CACNA2D3: variants seen among roughly 807,000 people sequenced by gnomAD.
The protein encoded by CACNA2D3 is calcium voltage-gated channel auxiliary subunit alpha2delta 3.
In CACNA2D3, 60 loss-of-function variants were observed where a neutral mutation model predicts 160.6. The ratio of observed to expected loss-of-function variants is 0.37; its 90% CI spans 0.30 to 0.46. The LOEUF is 0.46. CACNA2D3 is among the 20% of genes least tolerant of loss of function. The pLI is 1.00. For missense variants in CACNA2D3, 1,205 were observed against 1,365.0 expected (o/e 0.88, Z 1.85); for synonymous variants, 558 against 492.9 (o/e 1.13, Z -1.75).
intron 2 of CACNA2D3, among the ~76,000 whole-genome samples, chr3:54,304,586 C>T (rs1703554884): frequency 6.6e-6 from 1 of 152,052 alleles, no homozygotes; most frequent in Non-Finnish European, 1.5e-5. Flanking sequence ...CATTTTTCCC[C>T]CTTCTATTTG....
At chr3:54,487,897 A>G (rs1401291342) in intron 4 of CACNA2D3, among the ~76,000 whole-genome samples, 2 of 152,188 alleles carry the variant, frequency 1.3e-5, no homozygotes, top group African/African-American at 2.4e-5. Context: ...CAGTACAGGT[A>G]CAGAACATGC....
chr3:54,464,875 C>G (rs1267031551), intron 4 of CACNA2D3, among the ~76,000 whole-genome samples: 1 of 152,228 alleles, frequency 6.6e-6, no homozygotes, highest in Non-Finnish European at 1.5e-5. Flanking sequence ...GTCGCTTACG[C>G]TGGGAGCTGT....
intron 3 of CACNA2D3, among the ~76,000 whole-genome samples, chr3:54,338,134 A>G (rs1156896480): frequency 6.6e-6 from 1 of 152,262 alleles, no homozygotes; most frequent in Admixed American, 6.5e-5. Flanking sequence ...ATTGTCATCC[A>G]GTGATGATTC....
At chr3:54,283,662 GT>G (rs1309715856) in intron 2 of CACNA2D3, among the ~76,000 whole-genome samples, 1 of 152,216 alleles carries the variant, frequency 6.6e-6, no homozygotes, top group East Asian at 1.9e-4. Flanking sequence ...AATTGCACAA[GT>G]TGGGATACAT....
chr3:54,361,434 C>T (rs530058242), intron 3 of CACNA2D3, among the ~76,000 whole-genome samples: 1 of 152,276 alleles, frequency 6.6e-6, no homozygotes, highest in African/African-American at 2.4e-5. Flanking sequence ...CCCAGTTCAG[C>T]TTCTCAGGTT....
At chr3:54,800,758 CT>C (rs1702966808) in intron 13 of CACNA2D3, among the ~76,000 whole-genome samples, 1 of 152,168 alleles carries the variant, frequency 6.6e-6, no homozygotes, top group Non-Finnish European at 1.5e-5. Context: ...AACTCCAGAT[CT>C]TTTCATTCAA....
At chr3:54,813,089 G>C (rs1703361831) in intron 13 of CACNA2D3, among the ~76,000 whole-genome samples, 1 of 152,084 alleles carries the variant, frequency 6.6e-6, no homozygotes, top group Non-Finnish European at 1.5e-5. Flanking sequence ...CCTGCACCCA[G>C]CTTTTTCTCA....
At chr3:54,422,010 A>G (rs1240310601) in intron 4 of CACNA2D3, among the ~76,000 whole-genome samples, 1 of 152,096 alleles carries the variant, frequency 6.6e-6, no homozygotes, top group African/African-American at 2.4e-5. Flanking sequence ...AAATATGATT[A>G]GGTCTGCCCT....
chr3:54,774,678 A>G (rs1259976276), intron 13 of CACNA2D3, among the ~76,000 whole-genome samples: 1 of 120,944 alleles, frequency 8.3e-6, no homozygotes, highest in African/African-American at 3.3e-5. Context: ...TCTGTCGCCC[A>G]GGCTGGAGTG....
intron 2 of CACNA2D3, among the ~76,000 whole-genome samples, chr3:54,141,061 C>CTGTGTGTGTGTGTGTG (rs55833247): frequency 0.086 from 11,064 of 128,552 alleles, 522 homozygotes; most frequent in Admixed American, 0.11. Context: ...CAGGTGAAAC[C>CTGTGTGTGTGTGTGTG]TGTGTGTGTG....
chr3:54,543,740 A>G (rs755684350), intron 5 of CACNA2D3, among the ~76,000 whole-genome samples: 4 of 152,082 alleles, frequency 2.6e-5, no homozygotes, highest in Non-Finnish European at 5.9e-5. Flanking sequence ...ATACTCTTGC[A>G]TTTTCTTTAT....
chr3:54,792,283 C>G (rs796105459), intron 13 of CACNA2D3, among the ~76,000 whole-genome samples: 55 of 152,290 alleles, frequency 3.6e-4, no homozygotes, highest in African/African-American at 1.3e-3. Context: ...AGGGAGCCCT[C>G]TCACTCAGTC....
At chr3:54,769,751 G>C (rs1179011928) in intron 13 of CACNA2D3, among the ~76,000 whole-genome samples, 1 of 152,158 alleles carries the variant, frequency 6.6e-6, no homozygotes, top group Non-Finnish European at 1.5e-5. Flanking sequence ...TTTGAGCTGG[G>C]TCTCACATAG....
At chr3:54,299,437 G>A (rs1703422953) in intron 2 of CACNA2D3, among the ~76,000 whole-genome samples, 1 of 152,152 alleles carries the variant, frequency 6.6e-6, no homozygotes, top group Non-Finnish European at 1.5e-5. Context: ...CATTTTCAAA[G>A]TTAATTTTCA....
intron 11 of CACNA2D3, among the ~76,000 whole-genome samples, chr3:54,686,632 G>A (rs1700454046): frequency 6.6e-6 from 1 of 152,184 alleles, no homozygotes; most frequent in Non-Finnish European, 1.5e-5. Context: ...AATCACCAGG[G>A]CTCTGCAGAA....
chr3:54,226,835 G>A (rs929407040), intron 2 of CACNA2D3, among the ~76,000 whole-genome samples: 1 of 151,944 alleles, frequency 6.6e-6, no homozygotes, highest in Non-Finnish European at 1.5e-5. Flanking sequence ...CCAGAAATTT[G>A]GCCTCTCAAC....
chr3:54,570,083 T>C lies in CACNA2D3; in HGVS notation c.867T>C (p.Asp289=). 1 of 1,613,734 alleles carries C rather than the reference T, an allele frequency of 6.2e-7. No homozygotes were observed. Among genetic ancestry groups the C allele is most frequent in the Non-Finnish European group, 8.5e-7 (1 of 1,179,656 alleles). Residue 289 remains aspartate (D), a synonymous_variant, in exon 8 of 38, where the codon GAT becomes GAC. Transcript: ENST00000474759. ...CCATTTTGGATACACTTGGGGATGATGACTTCTTCAACATAATTGCTGTGA... is the reference window on the plus strand; with the variant it reads ...CCATTTTGGATACACTTGGGGATGACGACTTCTTCAACATAATTGCTGTGA... ...VSSILDTLGD[D]DFFNIIAYNE...
chr3:54,410,811 G>A (rs116330374), intron 4 of CACNA2D3, among the ~76,000 whole-genome samples: 2,287 of 152,290 alleles, frequency 0.015, 48 homozygotes, highest in African/African-American at 0.052. Flanking sequence ...TTTAAGAAAT[G>A]CAGTTAGTAA....
At chr3:54,534,787 C>G (rs994582423) in intron 5 of CACNA2D3, among the ~76,000 whole-genome samples, 2 of 151,522 alleles carry the variant, frequency 1.3e-5, no homozygotes, top group African/African-American at 4.8e-5. Flanking sequence ...ATTAGCCAGG[C>G]ATGGTGGTAC....
Sources: allele counts gnomAD v4.1 joint callset (sites outside exome capture counted in the v4.1 genomes callset), GRCh38; gene constraint gnomAD v4.1.1; transcripts MANE v1.5; gene names NCBI Gene and HGNC (gene_info 2026-07-23, HGNC 2026-07-21).